The following CAMK2A variants were observed in gnomAD, a reference collection of about 807,000 sequenced individuals.
The protein encoded by CAMK2A is calcium/calmodulin-dependent protein kinase type II subunit alpha.
Under a neutral mutation model 79.2 loss-of-function variants are expected in CAMK2A, and 7 were observed. The ratio of observed to expected loss-of-function variants is 0.09; its 90% CI spans 0.05 to 0.17. The LOEUF (loss-of-function observed/expected upper bound fraction) is 0.17, where lower values mean the gene tolerates loss of function less well. Among genes scored for constraint, CAMK2A ranks in the 10% least tolerant of loss-of-function variants. The pLI is 1.00. For synonymous variants in CAMK2A, 242 were observed against 251.7 expected (o/e 0.96, Z 0.36); for missense variants, 214 against 646.4 (o/e 0.33, Z 7.25).
intron 1 of CAMK2A, among the ~76,000 whole-genome samples, chr5:150,276,952 G>A (rs115379052): frequency 0.023 from 3,515 of 152,202 alleles, 163 homozygotes; most frequent in African/African-American, 0.08. Context: ...GATTCTGGCC[G>A]GGCGTGATGG....
At chr5:150,250,908 C>T (rs1755803642) in intron 9 of CAMK2A, 98 bp from the exon 10 acceptor site, 2 of 1,395,720 alleles carry the variant, frequency 1.4e-6, no homozygotes, top group East Asian at 2.3e-5. Context: ...AGGGGTCCTA[C>T]TGCCCATCCA....
At chr5:150,225,143 A>G (rs1227879783) in intron 17 of CAMK2A, among the ~76,000 whole-genome samples, 2 of 151,916 alleles carry the variant, frequency 1.3e-5, no homozygotes, top group Admixed American at 1.3e-4. Context: ...TCCAAGTGAG[A>G]CTGCATTAGA....
intron 13 of CAMK2A, among the ~76,000 whole-genome samples, chr5:150,242,148 C>T (rs937506682): frequency 6.6e-6 from 1 of 152,102 alleles, no homozygotes; most frequent in Non-Finnish European, 1.5e-5. Flanking sequence ...CTGGGGTGGC[C>T]GGGAGGGGGA....
At position 150,225,074 on chromosome 5, in the gene CAMK2A, AAGTG is replaced by A. The variant is rs1453889455; in HGVS notation, c.1238-1861_1238-1858del. 1.3e-3 allele frequency among the ~76,000 whole-genome samples: 124 copies of A among 95,086 alleles called. No homozygotes were observed. In the South Asian group the frequency reaches 0.02, roughly 15 times the overall value. The allele number at this position is 95,086 out of a possible 152,430, so 62.4% of individuals were successfully genotyped here. On this transcript the variant is annotated intron_variant, in intron 17 of 18. Coordinates refer to ENST00000671881, the MANE Select transcript of CAMK2A (RefSeq NM_015981.4). The stretch of plus-strand genomic sequence containing the variant: ...AGAGAGAGAGAGAGAGAGAGAGAGA[AAGTG>A]AGAGAGAGAGAGAGAGACAATGGAT...
At chr5:150,226,645 G>C (rs954617888) in intron 17 of CAMK2A, among the ~76,000 whole-genome samples, 4 of 143,116 alleles carry the variant, frequency 2.8e-5, no homozygotes, top group Non-Finnish European at 4.5e-5. Flanking sequence ...GCTGAGGCAG[G>C]AGAATTGCTT....
chr5:150,230,768 G>A (rs182250451), intron 16 of CAMK2A, among the ~76,000 whole-genome samples: 1 of 152,342 alleles, frequency 6.6e-6, no homozygotes, highest in Admixed American at 6.5e-5. Flanking sequence ...TTATTTTTGT[G>A]CAAGCTGCCT....
At chr5:150,266,808 C>T (rs769725999) in intron 2 of CAMK2A, among the ~76,000 whole-genome samples, 3 of 151,504 alleles carry the variant, frequency 2.0e-5, no homozygotes, top group Non-Finnish European at 2.9e-5. Context: ...ACTCAGACAC[C>T]GAGCCAACAC....
intron 16 of CAMK2A, 46 bp from the exon 17 acceptor site, chr5:150,228,332 A>T (rs371819590): frequency 4.1e-5 from 57 of 1,387,290 alleles, no homozygotes; most frequent in Non-Finnish European, 5.0e-5. Flanking sequence ...GCGGCTTCTC[A>T]TTGGACCCTT....
intron 2 of CAMK2A, chr5:150,265,409 A>G (rs1756471431): frequency 5.5e-6 from 1 of 183,120 alleles, no homozygotes; most frequent in Non-Finnish European, 1.2e-5. Context: ...CGGTTCTCTC[A>G]GCTTGAAACA....
chr5:150,270,158 A>G (rs1756686509), intron 2 of CAMK2A, among the ~76,000 whole-genome samples: 1 of 152,196 alleles, frequency 6.6e-6, no homozygotes, highest in South Asian at 2.1e-4. Context: ...CTGAGCCTGT[A>G]TTATTGTATT....
intron 3 of CAMK2A, among the ~76,000 whole-genome samples, chr5:150,259,568 G>A (rs568874016): frequency 6.6e-6 from 1 of 152,216 alleles, no homozygotes; most frequent in East Asian, 1.9e-4. Flanking sequence ...ATTCTTTAAT[G>A]ATGATATATA....
chr5:150,289,794 TC>T, upstream of CAMK2A: 2 of 548,980 alleles, frequency 3.6e-6, no homozygotes, highest in Non-Finnish European at 6.5e-6. Context: ...CTGTGGCTGC[TC>T]ACAGCCTCGC....
intron 15 of CAMK2A, among the ~76,000 whole-genome samples, chr5:150,237,583 C>G (rs910817542): frequency 8.5e-5 from 13 of 152,078 alleles, no homozygotes; most frequent in Admixed American, 4.6e-4. Flanking sequence ...GGTTACCAGC[C>G]AAGCTCTAGA....
chr5:150,250,373 GTA>G (rs1427833251), intron 10 of CAMK2A, 64 bp from the exon 11 acceptor site: 2 of 1,361,376 alleles, frequency 1.5e-6, no homozygotes, highest in African/African-American at 2.9e-5. Context: ...CCACCCAAGG[GTA>G]CCCTTCAGCA....
At chr5:150,226,754 G>T (rs1339703594) in intron 17 of CAMK2A, among the ~76,000 whole-genome samples, 10 of 137,954 alleles carry the variant, frequency 7.2e-5, no homozygotes, top group South Asian at 2.6e-4. Context: ...AGGGGGGGGG[G>T]GGATTTTCCT....
At chr5:150,262,613 A>G (rs1023515680) in intron 3 of CAMK2A, among the ~76,000 whole-genome samples, 3 of 152,208 alleles carry the variant, frequency 2.0e-5, no homozygotes, top group African/African-American at 7.2e-5. Context: ...TGCACCTGAC[A>G]TCAGGTGAAT....
At chr5:150,252,630 G>T (rs1755884346) in intron 7 of CAMK2A, among the ~76,000 whole-genome samples, 1 of 152,148 alleles carries the variant, frequency 6.6e-6, no homozygotes, top group Admixed American at 6.5e-5. Context: ...GCCTCCCAGG[G>T]TTGTTGAGCC....
intron 2 of CAMK2A, among the ~76,000 whole-genome samples, chr5:150,268,290 C>T (rs1236209723): frequency 1.3e-5 from 2 of 152,160 alleles, no homozygotes; most frequent in Non-Finnish European, 1.5e-5. Flanking sequence ...CCTCACCTTC[C>T]GGCCAGGAAG....
upstream of CAMK2A, chr5:150,289,833 T>C: frequency 3.7e-6 from 2 of 541,972 alleles, no homozygotes; most frequent in Non-Finnish European, 6.6e-6. Context: ...CAGGTCCCCA[T>C]GGCAACCACC....
Sources: allele counts gnomAD v4.1 joint callset (sites outside exome capture counted in the v4.1 genomes callset), GRCh38; gene constraint gnomAD v4.1.1; transcripts MANE v1.5; gene names NCBI Gene and HGNC (gene_info 2026-07-23, HGNC 2026-07-21).